The following AGAP1 variants were observed in gnomAD, a reference collection of about 807,000 sequenced individuals.
The protein encoded by AGAP1 is ArfGAP with GTPase domain, ankyrin repeat and PH domain 1.
In AGAP1, 29 loss-of-function variants were observed where a neutral mutation model predicts 105.3. The observed-to-expected ratio is 0.28, with a 90% confidence interval of 0.21 to 0.38. The LOEUF (loss-of-function observed/expected upper bound fraction) is 0.38, where lower values mean the gene tolerates loss of function less well. AGAP1 is among the 10% of genes least tolerant of loss of function. AGAP1 has a pLI of 1.00. For missense variants in AGAP1, 998 were observed against 1,165.1 expected, an observed-to-expected ratio of 0.86 and a Z score of 2.09; for synonymous variants, 509 against 485.9, an observed-to-expected ratio of 1.05 and a Z score of -0.63.
At chr2:236,021,556 C>G (rs1461106513) in intron 13 of AGAP1, among the ~76,000 whole-genome samples, 1 of 152,196 alleles carries the variant, frequency 6.6e-6, no homozygotes, top group East Asian at 1.9e-4. Context: ...CGCTTAGTAA[C>G]AAGATAAATC....
At chr2:235,681,399 A>T (rs980080641) in intron 1 of AGAP1, among the ~76,000 whole-genome samples, 2 of 152,180 alleles carry the variant, frequency 1.3e-5, no homozygotes, top group Non-Finnish European at 2.9e-5. Context: ...ACCTGGTGCC[A>T]TGCTAGAGCG....
chr2:235,799,994 G>A lies in AGAP1; in HGVS notation c.957+472G>A, dbSNP rs1957417014. Among the ~76,000 whole-genome samples the A allele has an allele frequency of 6.6e-6, 1 of 152,112 alleles. No homozygotes were observed. Among genetic ancestry groups the A allele is most frequent in the Non-Finnish European group, 1.5e-5 (1 of 68,018 alleles). On this transcript the variant is annotated intron_variant, in intron 8 of 17. Transcript: ENST00000304032. This position sits in a 1 kb window ranked among gnomAD's most constrained non-coding sequence, Gnocchi z 5.0. ...GCTTCCTGGAGGCTCATTGCCATGA[G>A]GCTCTCCACTTGGGTTTTTTGCTGT...
chr2:236,023,518 A>G (rs1013110087), intron 13 of AGAP1, among the ~76,000 whole-genome samples: 1 of 152,142 alleles, frequency 6.6e-6, no homozygotes, highest in Non-Finnish European at 1.5e-5. Flanking sequence ...CATCGGTGGT[A>G]ATGTGTTCAC....
chr2:235,654,906 G>T (rs1947723799), intron 1 of AGAP1, among the ~76,000 whole-genome samples: 1 of 152,154 alleles, frequency 6.6e-6, no homozygotes. Context: ...TAAGGAGTAG[G>T]CAGTATGTTT....
intron 6 of AGAP1, among the ~76,000 whole-genome samples, chr2:235,760,509 T>C (rs1354862976): frequency 6.6e-6 from 1 of 152,278 alleles, no homozygotes; most frequent in African/African-American, 2.4e-5. Context: ...TCCAAGTGTT[T>C]TTGAATATTA....
In AGAP1 at chr2:236,034,099, T is replaced by G. The variant is rs79774474; in HGVS notation, c.1646-2462T>G. 7.8e-3 allele frequency among the ~76,000 whole-genome samples: 1,188 copies of G among 152,134 alleles called. 12 individuals are homozygous for G. Among genetic ancestry groups the G allele is most frequent in the African/African-American group, 0.027 (1,126 of 41,484 alleles). ...CTTACCTATCTGTTCACTAGGAGAG[T>G]TTTGCATAAAATACATGAATTGGGG... is the stretch of plus-strand genomic sequence containing the variant. On this transcript the variant is annotated intron_variant, in intron 13 of 17. Transcript: ENST00000304032.
chr2:235,797,339 C>T (rs901622870), intron 6 of AGAP1, among the ~76,000 whole-genome samples: 2 of 152,122 alleles, frequency 1.3e-5, no homozygotes, highest in African/African-American at 4.8e-5. Context: ...GGGACCGGCT[C>T]TATCTGTCTC....
chr2:235,635,175 G>A lies in AGAP1; in HGVS notation c.164-74004G>A, dbSNP rs1423611947. On this transcript the variant is annotated intron_variant, in intron 1 of 17. Coordinates refer to ENST00000304032, the MANE Select transcript of AGAP1 (RefSeq NM_001037131.3). The surrounding 1 kb of genome is among the most constrained non-coding windows in gnomAD (Gnocchi z 5.3). ...CTGGACTTAGAGACAGGCGTCCTGA[G>A]TGTTGATGCCAGCCTTACCCTGACC... 6.6e-6 allele frequency among the ~76,000 whole-genome samples: 1 copy of A among 152,198 alleles called. No homozygotes were observed. The highest frequency in any genetic ancestry group is 1.5e-5 in the Non-Finnish European group (1 of 68,048).
At chr2:235,645,933 A>C (rs1947368802) in intron 1 of AGAP1, among the ~76,000 whole-genome samples, 1 of 152,160 alleles carries the variant, frequency 6.6e-6, no homozygotes, top group African/African-American at 2.4e-5. Context: ...CAATTTCCCC[A>C]ACCCAGAAGT....
rs2049064659 is a variant in AGAP1 at position 235,864,465 on chromosome 2, G to A, written c.1051-18880G>A. ...GGTTCTGGCCTCCAGGGCGGTCTGG[G>A]TGGGAGGAGGAGGTGGGCGGCCGGA... On this transcript the variant is annotated intron_variant, in intron 9 of 17. Transcript: ENST00000304032. This position sits in a 1 kb window ranked among gnomAD's most constrained non-coding sequence, Gnocchi z 5.0. Among the ~76,000 whole-genome samples the A allele has an allele frequency of 6.6e-6, 1 of 152,234 alleles. No homozygotes were observed. The highest frequency in any genetic ancestry group is 6.5e-5 in the Admixed American group (1 of 15,286).
intron 1 of AGAP1, among the ~76,000 whole-genome samples, chr2:235,680,656 A>C (rs1453320897): frequency 6.6e-6 from 1 of 152,016 alleles, no homozygotes; most frequent in African/African-American, 2.4e-5. Flanking sequence ...ATGTACTAGC[A>C]TAGGTGTGTG....
Position 235,518,192 on chromosome 2 carries a change from GTT to G in AGAP1, c.163+23345_163+23346del, listed in dbSNP as rs532676147. ...TCTGCTGCATTGGTTTCACTGTGTT[GTT>G]TCTGTAACTCTGGTGTTTAATCCAC... On this transcript the variant is annotated intron_variant, in intron 1 of 17. Coordinates refer to ENST00000304032, the MANE Select transcript of AGAP1 (RefSeq NM_001037131.3). 3.3e-5 allele frequency among the ~76,000 whole-genome samples: 5 copies of G among 152,160 alleles called. No homozygotes were observed. In the South Asian group the frequency reaches 1.0e-3, roughly 32 times the overall value.
At chr2:236,075,632 A>G (rs561350413) in intron 16 of AGAP1, among the ~76,000 whole-genome samples, 16 of 152,226 alleles carry the variant, frequency 1.1e-4, no homozygotes, top group Admixed American at 8.5e-4. Flanking sequence ...CTCCAGGGGA[A>G]GCCCCCCAGG....
chr2:235,997,332 G>A (rs188405958), intron 13 of AGAP1, among the ~76,000 whole-genome samples: 72 of 152,204 alleles, frequency 4.7e-4, no homozygotes, highest in South Asian at 1.2e-3. Flanking sequence ...CAGGTGATCC[G>A]CCCACCTCGG....
At chr2:235,547,723 C>T (rs1943672959) in intron 1 of AGAP1, among the ~76,000 whole-genome samples, 1 of 152,186 alleles carries the variant, frequency 6.6e-6, no homozygotes, top group Admixed American at 6.5e-5. Flanking sequence ...GAACTCCTGA[C>T]CTCAAATGGT....
At position 235,502,700 on chromosome 2, in the gene AGAP1, CTTTTTT is replaced by C. The variant is rs5839594; in HGVS notation, c.163+7867_163+7872del. Among the ~76,000 whole-genome samples, 4 of 110,994 alleles carry C rather than the reference CTTTTTT, an allele frequency of 3.6e-5. No homozygotes were observed. The South Asian group carries it at 1.2e-3, about 35-fold the overall frequency. The allele number at this position is 110,994 out of a possible 152,430, so 72.8% of individuals were successfully genotyped here. The stretch of plus-strand genomic sequence containing the variant: ...TCATGGTTAGAAGCTTTTTATTTGC[CTTTTTT>C]TTTTTTTTTTTTTTTAAGGGTGGGA... On this transcript the variant is annotated intron_variant, in intron 1 of 17. Coordinates refer to ENST00000304032, the MANE Select transcript of AGAP1 (RefSeq NM_001037131.3).
At chr2:236,107,268 G>A (rs1390584241) in intron 16 of AGAP1, among the ~76,000 whole-genome samples, 1 of 152,198 alleles carries the variant, frequency 6.6e-6, no homozygotes, top group Non-Finnish European at 1.5e-5. Flanking sequence ...AGAGGCCTGG[G>A]TCCCTCCTCC....
chr2:235,583,892 A>G (rs1372392303), intron 1 of AGAP1, among the ~76,000 whole-genome samples: 2 of 129,762 alleles, frequency 1.5e-5, no homozygotes, highest in East Asian at 2.7e-4. Context: ...AAAAAAAAAG[A>G]TGGGGTCTCA....
intron 9 of AGAP1, among the ~76,000 whole-genome samples, chr2:235,850,859 A>G (rs1575612398): frequency 1.3e-5 from 2 of 152,262 alleles, no homozygotes; most frequent in South Asian, 4.1e-4. Flanking sequence ...CCAGGGAGCA[A>G]TGGGTTTCCA....
Sources: gnomAD v4.1 joint callset for allele counts (sites outside exome capture counted in the v4.1 genomes callset) on GRCh38, gnomAD v4.1.1 for gene constraint, Gnocchi (gnomAD v3.1) non-coding constraint, MANE v1.5 for transcripts, NCBI Gene and HGNC (gene_info 2026-07-23, HGNC 2026-07-21) for gene names.